Variants in DSG4 observed in about 807,000 individuals in gnomAD.
DSG4 encodes desmoglein-4.
DSG4 carries 87 observed loss-of-function variants against 93.1 expected under a neutral mutation model. The ratio of observed to expected loss-of-function variants is 0.93; its 90% confidence interval spans 0.79 to 1.12. The LOEUF (loss-of-function observed/expected upper bound fraction) is 1.12. DSG4 is among the 50% of genes most tolerant of loss of function. DSG4 has a pLI of 0.00. For synonymous variants in DSG4, 432 were observed against 452.9 expected (o/e 0.95, Z 0.59); for missense variants, 1,373 against 1,285.7 (o/e 1.07, Z -1.04).
In DSG4 at chr18:31,376,833, T is replaced by C; in HGVS notation, c.-79T>C. ...GGGTGTCTCAAAGCATATCTTTCTG[T>C]AGAGCAGAATTCGGAACTGAGAAGA... On this transcript the variant is annotated 5_prime_UTR_variant, in exon 1 of 16. Coordinates refer to ENST00000308128, the MANE Select transcript of DSG4 (RefSeq NM_177986.5). The C allele has an allele frequency of 1.3e-6, 2 of 1,512,316 alleles. No homozygotes were observed. Among genetic ancestry groups the C allele is most frequent in the Non-Finnish European group, 1.8e-6 (2 of 1,088,836 alleles). 93.7% of individuals were successfully genotyped at this position (1,512,316 alleles called of 1,614,324 possible).
chr18:31,412,185 C>G (rs919106285), intron 15 of DSG4, among the ~76,000 whole-genome samples: 1 of 152,150 alleles, frequency 6.6e-6, no homozygotes, highest in Admixed American at 6.5e-5. Flanking sequence ...GAATATTATT[C>G]AGCCATAAAA....
chr18:31,409,887 C>T (rs752828638), intron 14 of DSG4, 79 bp downstream of exon 14: 2 of 1,506,774 alleles, frequency 1.3e-6, no homozygotes, highest in Non-Finnish European at 1.8e-6. Flanking sequence ...GTAAAAGTAC[C>T]TTATGGAAAA....
At position 31,376,783 on chromosome 18, in the gene DSG4, A is replaced by G; in HGVS notation, c.-129A>G. ...CATCTCTCTGCCCAGAGATCACCACAGTTATCACCCATGCCCTCCTAAAAG... is the reference window on the plus strand; with the variant it reads ...CATCTCTCTGCCCAGAGATCACCACGGTTATCACCCATGCCCTCCTAAAAG... On this transcript the variant is annotated 5_prime_UTR_variant, in exon 1 of 16. Transcript: ENST00000308128. The G allele has an allele frequency of 1.0e-6, 1 of 956,788 alleles. No individual in the cohort carries two copies. The highest frequency in any genetic ancestry group is 1.4e-5 in the South Asian group (1 of 73,374). The allele number at this position is 956,788 out of a possible 1,614,324, so 59.3% of individuals were successfully genotyped here. A position where few individuals can be genotyped will look rare whatever the true frequency, so the allele number is the denominator to read the frequency against.
At chr18:31,384,313 C>G (rs747126690) in intron 1 of DSG4, among the ~76,000 whole-genome samples, 1 of 104,522 alleles carries the variant, frequency 9.6e-6, no homozygotes, top group Admixed American at 1.2e-4. Flanking sequence ...AATTGTAAAA[C>G]TAATCTAATT....
chr18:31,376,820 G>T lies in DSG4; in HGVS notation c.-92G>T. 1 of 1,426,120 alleles carries T rather than the reference G, an allele frequency of 7.0e-7. No homozygotes were observed. Among genetic ancestry groups the T allele is most frequent in the East Asian group, 2.3e-5 (1 of 43,360 alleles). 88.3% of individuals were successfully genotyped at this position (1,426,120 alleles called of 1,614,324 possible). ...TGCCCTCCTAAAAGGGTGTCTCAAAGCATATCTTTCTGTAGAGCAGAATTC... is the reference window on the plus strand; with the variant it reads ...TGCCCTCCTAAAAGGGTGTCTCAAATCATATCTTTCTGTAGAGCAGAATTC... On this transcript the variant is annotated 5_prime_UTR_variant, in exon 1 of 16. Transcript: ENST00000308128.
At chr18:31,411,038 G>A (rs2144218979) in intron 14 of DSG4, 193 bp from the exon 15 acceptor site, 1 of 1,482,964 alleles carries the variant, frequency 6.7e-7, no homozygotes, top group South Asian at 1.4e-5. Context: ...CTCCCTCTGT[G>A]TAATTAATTT....
In DSG4 at chr18:31,403,466, A is replaced by G. The variant is rs777042099; in HGVS notation, c.1468A>G (p.Ile490Val). Residue 490 changes from isoleucine to valine, a missense_variant, in exon 11 of 16, where the codon ATC becomes GTC. Ile to Val is a conservative substitution (Grantham distance 29). Coordinates refer to ENST00000308128, the MANE Select transcript of DSG4 (RefSeq NM_177986.5). ...AACCATATGTATTGAGGTTCCTGAT[A>G]TCAATGATTATTGTCCAAACATTTT... ...TGTICIEVPD[I>V]NDYCPNIFPE... 9.9e-6 allele frequency: 16 copies of G among 1,613,946 alleles called. No individual in the cohort carries two copies. The highest frequency in any genetic ancestry group is 1.4e-5 in the Non-Finnish European group (16 of 1,179,926).
chr18:31,389,110 G>A, intron 5 of DSG4, 92 bp downstream of exon 5: 1 of 1,453,020 alleles, frequency 6.9e-7, no homozygotes, highest in South Asian at 1.2e-5. Context: ...AAATGTAAAG[G>A]ACAGAAAAAG....
Position 31,388,374 on chromosome 18 carries a change from C to T in DSG4, c.224C>T (p.Ser75Leu). Residue 75 changes from serine (S) to leucine (L), a missense_variant, in exon 4 of 16, where the codon TCA (serine) becomes TTA (leucine). Transcript: ENST00000308128. ...TAGCTATTTTTCTTATAGATTCGATCAGACTGCGAATCGAACCAGAAGATA... is the reference window on the plus strand; with the variant it reads ...TAGCTATTTTTCTTATAGATTCGATTAGACTGCGAATCGAACCAGAAGATA... The part of the protein sequence containing the change: ...SKRNPIAKIR[S>L]DCESNQKITY... 6.2e-7 allele frequency: 1 copy of T among 1,613,074 alleles called. No homozygotes were observed. Among genetic ancestry groups the T allele is most frequent in the Non-Finnish European group, 8.5e-7 (1 of 1,179,390 alleles).
chr18:31,381,594 C>T lies in DSG4; in HGVS notation c.49-3542C>T, dbSNP rs368240809. ...TTCCCTCCTGTTTTAACATGTCACTCTTTCTAGGCCTGTGTCTTACTCTTC... is the reference window on the plus strand; with the variant it reads ...TTCCCTCCTGTTTTAACATGTCACTTTTTCTAGGCCTGTGTCTTACTCTTC... On this transcript the variant is annotated intron_variant, in intron 1 of 15. Coordinates refer to ENST00000308128, the MANE Select transcript of DSG4 (RefSeq NM_177986.5). Among the ~76,000 whole-genome samples the T allele has an allele frequency of 2.1e-4, 32 of 152,212 alleles. 1 individual carries two copies. Among genetic ancestry groups the T allele is most frequent in the African/African-American group, 7.5e-4 (31 of 41,518 alleles).
intron 8 of DSG4, among the ~76,000 whole-genome samples, chr18:31,392,602 C>T (rs1433186631): frequency 6.6e-6 from 1 of 151,924 alleles, no homozygotes; most frequent in East Asian, 1.9e-4. Flanking sequence ...TAAGCAACCC[C>T]AAATTAGAAG....
At chr18:31,395,984 A>G (rs1937054475) in intron 8 of DSG4, among the ~76,000 whole-genome samples, 1 of 152,184 alleles carries the variant, frequency 6.6e-6, no homozygotes, top group Non-Finnish European at 1.5e-5. Context: ...GAAGGCAAAT[A>G]AGATATGGTC....
In DSG4 at chr18:31,412,308, C is replaced by T. The variant is rs557931592; in HGVS notation, c.2356-520C>T. Among the ~76,000 whole-genome samples the T allele has an allele frequency of 3.3e-5, 5 of 152,168 alleles. No homozygotes were observed. In the South Asian group the frequency reaches 1.0e-3, roughly 32 times the overall value. On this transcript the variant is annotated intron_variant, in intron 15 of 15. Transcript: ENST00000308128. Reference sequence around the variant, plus strand: ...ACATGTTCTCACTCATCTGTGGAAGCTAAAAGGAAAAACCGAACTCATGGA... The same window carrying T: ...ACATGTTCTCACTCATCTGTGGAAGTTAAAAGGAAAAACCGAACTCATGGA...
At position 31,403,618 on chromosome 18, in the gene DSG4, T is replaced by A; in HGVS notation, c.1620T>A (p.Asp540Glu). Residue 540 changes from aspartate to glutamate, a missense_variant, in exon 11 of 16, where the codon GAT becomes GAA. Physicochemically the swap from Asp to Glu is conservative, Grantham distance 45. Transcript: ENST00000308128. ...DEPPGIADMW[D>E]VRSTNATSAI... ...CACCAGGAATAGCTGACATGTGGGATGTCAGATCAACAAATGGTAAGTGAA... is the reference window on the plus strand; with the variant it reads ...CACCAGGAATAGCTGACATGTGGGAAGTCAGATCAACAAATGGTAAGTGAA... The A allele has an allele frequency of 1.9e-6, 3 of 1,614,052 alleles. No individual in the cohort carries two copies. Among genetic ancestry groups the A allele is most frequent in the Non-Finnish European group, 2.5e-6 (3 of 1,179,916 alleles).
In DSG4 at chr18:31,413,665, T is replaced by C; in HGVS notation, c.*70T>C. On this transcript the variant is annotated 3_prime_UTR_variant, in exon 16 of 16. Coordinates refer to ENST00000308128, the MANE Select transcript of DSG4 (RefSeq NM_177986.5). ...ATCATCAATACATCCACCAAAAATA[T>C]ATAATGTACCATATATATTAATAGT... 1.3e-6 allele frequency: 2 copies of C among 1,544,018 alleles called. No individual in the cohort carries two copies. The highest frequency in any genetic ancestry group is 1.7e-5 in the Admixed American group (1 of 59,838).
In DSG4 at chr18:31,412,923, T is replaced by C; in HGVS notation, c.2451T>C (p.Ser817=). 1.2e-6 allele frequency: 2 copies of C among 1,614,248 alleles called. No homozygotes were observed. The highest frequency in any genetic ancestry group is 2.2e-5 in the South Asian group (2 of 91,088). ...DHEGVGSPVG[S]IGCCSWIVDD... ...AGGGAGTCGGGTCTCCCGTAGGCTC[T>C]ATTGGTTGTTGCAGTTGGATTGTGG... The change falls in exon 16 of 16, where the codon TCT becomes TCC. Residue 817 remains serine (S), a synonymous_variant. Coordinates refer to ENST00000308128, the MANE Select transcript of DSG4 (RefSeq NM_177986.5).
At chr18:31,406,035 A>G in intron 11 of DSG4, 42 bp from the exon 12 acceptor site, 1 of 1,612,258 alleles carries the variant, frequency 6.2e-7, no homozygotes, top group Non-Finnish European at 8.5e-7. Flanking sequence ...TAGCCCACCA[A>G]GGAATTTCCA....
chr18:31,405,992 A>T lies in DSG4; in HGVS notation c.1637-85A>T. On this transcript the variant is annotated intron_variant, in intron 11 of 15. Coordinates refer to ENST00000308128, the MANE Select transcript of DSG4 (RefSeq NM_177986.5). ...ATGAAAAATCTAGTGTTTTAAGTCA[A>T]TATTTGGTATTAGGGAGAGTTAACC... is the stretch of plus-strand genomic sequence containing the variant. 3.3e-6 allele frequency: 5 copies of T among 1,496,990 alleles called. No homozygotes were observed. In the Admixed American group the frequency reaches 6.9e-5, roughly 21 times the overall value. 92.7% of individuals were successfully genotyped at this position (1,496,990 alleles called of 1,614,324 possible).
rs552538448 is a variant in DSG4, at chr18:31,399,428, A to T, written c.1162A>T (p.Ser388Cys). ...GAGAGAAGGACCTGCATTTCATCCA[A>T]GTACTATGGCTTTTAGTGTGCGGGA... Reference protein sequence around the residue: ...DVREGPAFHPSTMAFSVREGI... With the variant: ...DVREGPAFHPCTMAFSVREGI... Residue 388 changes from serine to cysteine, a missense_variant, in exon 9 of 16, where the codon AGT becomes TGT. By Grantham distance (112) the Ser-to-Cys change is moderately radical. Transcript: ENST00000308128. The T allele has an allele frequency of 6.2e-7, 1 of 1,614,102 alleles. No homozygotes were observed. Among genetic ancestry groups the T allele is most frequent in the East Asian group, 2.2e-5 (1 of 44,870 alleles).
Sources: allele counts gnomAD v4.1 joint callset (sites outside exome capture counted in the v4.1 genomes callset), GRCh38; gene constraint gnomAD v4.1.1; transcripts MANE v1.5; gene names NCBI Gene and HGNC (gene_info 2026-07-23, HGNC 2026-07-21).